DLG2: variants seen among roughly 807,000 people sequenced by gnomAD.
DLG2 encodes the protein discs large MAGUK scaffold protein 2.
A neutral mutation model predicts 132.5 loss-of-function variants in DLG2; 45 were observed. The observed-to-expected ratio is 0.34, with a 90% CI of 0.27 to 0.44. DLG2 has a LOEUF of 0.44. Among genes scored for constraint, DLG2 ranks in the 20% least tolerant of loss-of-function variants. The pLI, the probability that DLG2 is intolerant of heterozygous loss-of-function variation, is 1.00. For synonymous variants in DLG2, 424 were observed against 419.6 expected, an observed-to-expected ratio of 1.01 and a Z score of -0.13; for missense variants, 1,045 against 1,196.9, an observed-to-expected ratio of 0.87 and a Z score of 1.87.
chr11:84,196,109 A>G (rs187680685), intron 8 of DLG2, among the ~76,000 whole-genome samples: 2 of 152,372 alleles, frequency 1.3e-5, no homozygotes, highest in East Asian at 1.9e-4. Context: ...ATTTCCAGTA[A>G]TTTTTAAAAA....
At chr11:84,373,251 A>AAAAAAAC (rs1555532589) in intron 7 of DLG2, among the ~76,000 whole-genome samples, 3 of 75,790 alleles carry the variant, frequency 4.0e-5, no homozygotes, top group Non-Finnish European at 8.8e-5. Flanking sequence ...GAAACAGTCA[A>AAAAAAAC]AAAAAAAAAA....
At chr11:85,058,942 G>A (rs2154158069) in intron 6 of DLG2, among the ~76,000 whole-genome samples, 1 of 151,350 alleles carries the variant, frequency 6.6e-6, no homozygotes, top group East Asian at 1.9e-4. Context: ...CTTGGAGTCT[G>A]CATAGATTTC....
At chr11:84,707,154 A>G (rs950403745) in intron 6 of DLG2, among the ~76,000 whole-genome samples, 1 of 151,792 alleles carries the variant, frequency 6.6e-6, no homozygotes, top group Non-Finnish European at 1.5e-5. Flanking sequence ...CCTAGCAAAT[A>G]TAGCTCCCCA....
intron 11 of DLG2, among the ~76,000 whole-genome samples, chr11:84,037,737 G>A (rs184695151): frequency 9.9e-5 from 15 of 152,126 alleles, no homozygotes. Context: ...TGAGCCAAAT[G>A]TCTTTCAAAA....
chr11:85,597,714 AT>A, intron 3 of DLG2, among the ~76,000 whole-genome samples: 1 of 151,792 alleles, frequency 6.6e-6, no homozygotes, highest in South Asian at 2.1e-4. Flanking sequence ...AAGTATTTTC[AT>A]AATTAAGCCT....
chr11:83,603,226 G>C (rs936861164), intron 19 of DLG2, among the ~76,000 whole-genome samples: 1 of 152,130 alleles, frequency 6.6e-6, no homozygotes, highest in Non-Finnish European at 1.5e-5. Context: ...CAGTGACTTA[G>C]ATTCCCTCAG....
At chr11:83,611,804 G>A (rs563365503) in intron 19 of DLG2, among the ~76,000 whole-genome samples, 1 of 152,300 alleles carries the variant, frequency 6.6e-6, no homozygotes, top group African/African-American at 2.4e-5. Context: ...GGGACACTGA[G>A]GGCTTGTTGC....
rs556826346 is a variant in DLG2 at position 84,481,165 on chromosome 11, C to T, written c.519+53405G>A. Reference sequence around the variant, plus strand: ...GTTAGCGCTCAATGAACAGTACCTGCTATTATTAATATTTTGTCTATCATA... The same window carrying T: ...GTTAGCGCTCAATGAACAGTACCTGTTATTATTAATATTTTGTCTATCATA... On this transcript the variant is annotated intron_variant, in intron 7 of 27. Coordinates refer to ENST00000376104, the MANE Select transcript of DLG2 (RefSeq NM_001142699.3). Among the ~76,000 whole-genome samples the T allele has an allele frequency of 1.7e-3, 253 of 152,224 alleles. 2 individuals are homozygous for T. The highest frequency in any genetic ancestry group is 5.9e-3 in the African/African-American group (243 of 41,530).
chr11:84,715,213 T>A (rs1164243662), intron 6 of DLG2, among the ~76,000 whole-genome samples: 1 of 152,192 alleles, frequency 6.6e-6, no homozygotes, highest in Non-Finnish European at 1.5e-5. Context: ...ATTAACAAAT[T>A]GCTATTATGA....
chr11:84,014,296 C>G (rs1052438825), intron 11 of DLG2, among the ~76,000 whole-genome samples: 6 of 152,046 alleles, frequency 3.9e-5, no homozygotes, highest in Non-Finnish European at 5.9e-5. Flanking sequence ...TTAATGTGGG[C>G]AAGATAATTA....
chr11:83,685,881 C>CTA (rs1306699766), intron 18 of DLG2, among the ~76,000 whole-genome samples: 43 of 152,212 alleles, frequency 2.8e-4, no homozygotes, highest in African/African-American at 9.6e-4. Context: ...ATAAATGGCG[C>CTA]AATCATTGAC....
At chr11:85,202,942 A>G (rs1018914915) in intron 4 of DLG2, among the ~76,000 whole-genome samples, 13 of 151,628 alleles carry the variant, frequency 8.6e-5, no homozygotes, top group Non-Finnish European at 1.6e-4. Context: ...TACATAAAAA[A>G]TCTAAAAACT....
At chr11:84,013,572 A>G (rs191131385) in intron 11 of DLG2, among the ~76,000 whole-genome samples, 1 of 152,086 alleles carries the variant, frequency 6.6e-6, no homozygotes, top group Non-Finnish European at 1.5e-5. Context: ...GTAGTATTAC[A>G]TAACAGAAGT....
At chr11:84,526,700 T>G (rs2099321578) in intron 7 of DLG2, among the ~76,000 whole-genome samples, 1 of 152,042 alleles carries the variant, frequency 6.6e-6, no homozygotes, top group Non-Finnish European at 1.5e-5. Context: ...GATAACATAC[T>G]TATGAAAACA....
chr11:84,367,836 C>A (rs2098690370), intron 7 of DLG2, among the ~76,000 whole-genome samples: 1 of 152,046 alleles, frequency 6.6e-6, no homozygotes, highest in South Asian at 2.1e-4. Flanking sequence ...ATCAATTATC[C>A]AGTCTCAGAT....
intron 3 of DLG2, among the ~76,000 whole-genome samples, chr11:85,446,457 A>C (rs551542456): frequency 7.2e-5 from 11 of 152,348 alleles, no homozygotes; most frequent in African/African-American, 2.6e-4. Context: ...TAAGATAACA[A>C]AGACATACTG....
intron 18 of DLG2, among the ~76,000 whole-genome samples, chr11:83,642,178 T>A (rs971548549): frequency 6.6e-6 from 1 of 152,196 alleles, no homozygotes; most frequent in Non-Finnish European, 1.5e-5. Context: ...ACACCTGGCA[T>A]AGCGTGTGGC....
intron 6 of DLG2, among the ~76,000 whole-genome samples, chr11:84,710,704 A>G (rs1007439355): frequency 1.3e-5 from 2 of 151,826 alleles, no homozygotes; most frequent in Non-Finnish European, 2.9e-5. Context: ...TCATCAAACT[A>G]AATAATTTAA....
At chr11:83,950,035 G>T (rs790351) in intron 14 of DLG2, among the ~76,000 whole-genome samples, 150,753 of 152,310 alleles carry the variant, frequency 0.99, 74,611 homozygotes, top group East Asian at 1. Context: ...ATGTTTTATC[G>T]CTTGTAGCTT....
Sources: allele counts gnomAD v4.1 joint callset (sites outside exome capture counted in the v4.1 genomes callset), GRCh38; gene constraint gnomAD v4.1.1; transcripts MANE v1.5; gene names NCBI Gene and HGNC (gene_info 2026-07-23, HGNC 2026-07-21).